Variants in WIPF3 observed in about 807,000 individuals in gnomAD.
WIPF3 encodes the protein WAS/WASL interacting protein family member 3.
Under a neutral mutation model 38.9 loss-of-function variants are expected in WIPF3, and 33 were observed. The ratio of observed to expected loss-of-function variants is 0.85; its 90% CI spans 0.64 to 1.14. The LOEUF is 1.14. Among genes scored for constraint, WIPF3 ranks in the 50% most tolerant of loss-of-function variants. The pLI is 0.00. For missense variants in WIPF3, 711 were observed against 652.5 expected, an observed-to-expected ratio of 1.09 and a Z score of -0.98; for synonymous variants, 324 against 269.3, an observed-to-expected ratio of 1.20 and a Z score of -1.99.
chr7:29,890,856 T>A (rs174980), intron 7 of WIPF3, among the ~76,000 whole-genome samples: 3 of 126,126 alleles, frequency 2.4e-5, no homozygotes, highest in African/African-American at 9.5e-5. Flanking sequence ...GGAGGGGATG[T>A]GGGCCTGCCC....
rs145682670 is a variant in WIPF3 at position 29,849,636 on chromosome 7, C to T, written c.90+14822C>T. Among the ~76,000 whole-genome samples the T allele has an allele frequency of 8.3e-3, 1,268 of 152,246 alleles. 9 individuals are homozygous for T. The highest frequency in any genetic ancestry group is 0.014 in the Non-Finnish European group (945 of 68,010). On this transcript the variant is annotated intron_variant, in intron 2 of 8. Transcript: ENST00000242140. ...CAGAAGGTGGTGAGGGGGAAGGAGCCTTAAAGCCAACTCTAAGAGAAAAGC... is the reference window on the plus strand; with the variant it reads ...CAGAAGGTGGTGAGGGGGAAGGAGCTTTAAAGCCAACTCTAAGAGAAAAGC...
chr7:29,913,185 A>G (rs1786536712), intron 8 of WIPF3, among the ~76,000 whole-genome samples: 1 of 152,162 alleles, frequency 6.6e-6, no homozygotes, highest in Non-Finnish European at 1.5e-5. Context: ...CATCTCTACT[A>G]AAAATACAGA....
intron 8 of WIPF3, among the ~76,000 whole-genome samples, chr7:29,907,423 T>C (rs1786419168): frequency 6.6e-6 from 1 of 152,228 alleles, no homozygotes; most frequent in South Asian, 2.1e-4. Flanking sequence ...TAAGCTACTA[T>C]AAAATCAAAT....
intron 2 of WIPF3, among the ~76,000 whole-genome samples, chr7:29,843,289 C>T (rs1007087957): frequency 6.6e-6 from 1 of 152,138 alleles, no homozygotes; most frequent in Non-Finnish European, 1.5e-5. Context: ...TCTTTTTTCA[C>T]AGCTGTGAGG....
At chr7:29,898,208 C>A (rs1786194693) in intron 7 of WIPF3, among the ~76,000 whole-genome samples, 1 of 152,172 alleles carries the variant, frequency 6.6e-6, no homozygotes, top group African/African-American at 2.4e-5. Context: ...TGACAGCTCT[C>A]TCCTTTCTCC....
chr7:29,880,871 T>C (rs974336090), intron 4 of WIPF3, among the ~76,000 whole-genome samples: 3 of 152,054 alleles, frequency 2.0e-5, no homozygotes, highest in African/African-American at 7.2e-5. Context: ...TCCCAGCACT[T>C]TCCCAACAGC....
chr7:29,852,546 C>T (rs749385781), intron 2 of WIPF3, among the ~76,000 whole-genome samples: 6 of 152,198 alleles, frequency 3.9e-5, no homozygotes, highest in African/African-American at 7.2e-5. Flanking sequence ...GAGCCAGACA[C>T]CAAGAGAATC....
At chr7:29,889,686 G>A (rs1429934373) in intron 7 of WIPF3, among the ~76,000 whole-genome samples, 3 of 152,258 alleles carry the variant, frequency 2.0e-5, no homozygotes, top group South Asian at 2.1e-4. Context: ...CCTCCCTGGG[G>A]CTTTTGATAA....
At position 29,808,034 on chromosome 7, in the gene WIPF3, A is replaced by C. The variant is rs956175445; in HGVS notation, c.-58+1356A>C. ...TGGGCCTTGCAAGGAGATAAACTCC[A>C]GGTCAATACCTGGACAGGACATGAG... On this transcript the variant is annotated intron_variant, in intron 1 of 8. Coordinates refer to ENST00000242140, the MANE Select transcript of WIPF3 (RefSeq NM_001080529.3). Among the ~76,000 whole-genome samples the C allele has an allele frequency of 3.3e-4, 51 of 152,320 alleles. 1 individual carries two copies. Among genetic ancestry groups the C allele is most frequent in the Admixed American group, 2.4e-3 (36 of 15,306 alleles).
intron 2 of WIPF3, among the ~76,000 whole-genome samples, chr7:29,852,995 G>A (rs1785128266): frequency 6.6e-6 from 1 of 152,200 alleles, no homozygotes; most frequent in South Asian, 2.1e-4. Context: ...GACAGGTAAG[G>A]TCTAATTTTG....
rs899635462 is a variant in WIPF3, at chr7:29,823,579, C to A, written c.-57-11089C>A. On this transcript the variant is annotated intron_variant, in intron 1 of 8. Coordinates refer to ENST00000242140, the MANE Select transcript of WIPF3 (RefSeq NM_001080529.3). The surrounding 1 kb of genome is among the most constrained non-coding windows in gnomAD (Gnocchi z 4.0). ...GGGAGCCTGATTCCTTGTTTATATG[C>A]CATTGCCTTGATACAAAAATATCTT... 6.6e-6 allele frequency among the ~76,000 whole-genome samples: 1 copy of A among 152,204 alleles called. No individual in the cohort carries two copies. The highest frequency in any genetic ancestry group is 2.4e-5 in the African/African-American group (1 of 41,456).
At chr7:29,859,536 G>C (rs777917942) in intron 2 of WIPF3, among the ~76,000 whole-genome samples, 3 of 152,152 alleles carry the variant, frequency 2.0e-5, no homozygotes, top group Non-Finnish European at 4.4e-5. Flanking sequence ...ATCCCAGAAG[G>C]TTCTGAGCTG....
intron 2 of WIPF3, among the ~76,000 whole-genome samples, chr7:29,843,630 C>T (rs781634404): frequency 2.0e-5 from 3 of 152,140 alleles, no homozygotes; most frequent in Non-Finnish European, 2.9e-5. Context: ...GGGTAACTAA[C>T]GATTCCTAGA....
rs907717442 is a variant in WIPF3 at position 29,823,714 on chromosome 7, G to A, written c.-57-10954G>A. On this transcript the variant is annotated intron_variant, in intron 1 of 8. Coordinates refer to ENST00000242140, the MANE Select transcript of WIPF3 (RefSeq NM_001080529.3). The surrounding 1 kb of genome is among the most constrained non-coding windows in gnomAD (Gnocchi z 4.0). ...GTGGCAGGTGATTGGATCGTGGGCG[G>A]TTTCTCATTATTGGTTTAGTGCCAT... is the stretch of plus-strand genomic sequence containing the variant. 2.6e-5 allele frequency among the ~76,000 whole-genome samples: 4 copies of A among 152,148 alleles called. No individual in the cohort carries two copies. The highest frequency in any genetic ancestry group is 7.2e-5 in the African/African-American group (3 of 41,412).
intron 2 of WIPF3, among the ~76,000 whole-genome samples, chr7:29,835,447 T>A (rs1003882849): frequency 2.0e-5 from 3 of 152,014 alleles, no homozygotes; most frequent in African/African-American, 7.3e-5. Flanking sequence ...TGGGGTGAGA[T>A]CATTTGTGTT....
At chr7:29,827,974 T>G (rs1490337432) in intron 1 of WIPF3, among the ~76,000 whole-genome samples, 2 of 152,126 alleles carry the variant, frequency 1.3e-5, no homozygotes, top group Non-Finnish European at 2.9e-5. Context: ...TTTCTTTGTA[T>G]TTTTTGTAGA....
At chr7:29,826,541 G>A (rs1243058664) in intron 1 of WIPF3, among the ~76,000 whole-genome samples, 1 of 152,154 alleles carries the variant, frequency 6.6e-6, no homozygotes, top group African/African-American at 2.4e-5. Context: ...AATAATGGCT[G>A]TGTTTATTCT....
intron 4 of WIPF3, among the ~76,000 whole-genome samples, chr7:29,881,162 T>C (rs923613838): frequency 3.3e-5 from 5 of 152,232 alleles, no homozygotes; most frequent in Admixed American, 2.0e-4. Flanking sequence ...TTATCCCATA[T>C]AAAGGTTTAG....
At chr7:29,854,970 A>T (rs921814242) in intron 2 of WIPF3, among the ~76,000 whole-genome samples, 2 of 152,184 alleles carry the variant, frequency 1.3e-5, no homozygotes, top group Non-Finnish European at 2.9e-5. Flanking sequence ...GGACTCTGAG[A>T]AAATAAGTGT....
Sources: gnomAD v4.1 joint callset for allele counts (sites outside exome capture counted in the v4.1 genomes callset) on GRCh38, gnomAD v4.1.1 for gene constraint, Gnocchi (gnomAD v3.1) non-coding constraint, MANE v1.5 for transcripts, NCBI Gene and HGNC (gene_info 2026-07-23, HGNC 2026-07-21) for gene names.